The following ECM2 variants were observed in gnomAD, a reference collection of about 807,000 sequenced individuals.
The protein encoded by ECM2 is extracellular matrix protein 2, female organ and adipocyte specific.
In ECM2, 57 loss-of-function variants were observed where a neutral mutation model predicts 67.5. The observed-to-expected ratio is 0.84, with a 90% CI of 0.68 to 1.05. The LOEUF (loss-of-function observed/expected upper bound fraction) is 1.05, where lower values mean the gene tolerates loss of function less well. Among genes scored for constraint, ECM2 ranks in the 50% least tolerant of loss-of-function variants. The pLI, the probability that ECM2 is intolerant of heterozygous loss-of-function variation, is 0.00. For missense variants in ECM2, 741 were observed against 822.8 expected, an observed-to-expected ratio of 0.90 and a Z score of 1.22; for synonymous variants, 258 against 294.5, an observed-to-expected ratio of 0.88 and a Z score of 1.27.
chr9:92,516,072 TCCCC>T (rs76297691), intron 3 of ECM2, among the ~76,000 whole-genome samples: 1 of 139,694 alleles, frequency 7.2e-6, no homozygotes, highest in African/African-American at 2.6e-5. Context: ...TACTTTTTTT[TCCCC>T]CCCCCGAGAC....
the ECM2 span, among the ~76,000 whole-genome samples, chr9:92,547,776 ATATTT>A: frequency 3.9e-5 from 6 of 152,230 alleles, no homozygotes; most frequent in Non-Finnish European, 5.9e-5. Context: ...ATGGAATTGT[ATATTT>A]TAAAGTATGC....
upstream of ECM2, among the ~76,000 whole-genome samples, chr9:92,538,038 G>T (rs922943568): frequency 6.6e-6 from 1 of 151,992 alleles, no homozygotes; most frequent in Non-Finnish European, 1.5e-5. Flanking sequence ...TCTTCCTTGA[G>T]GACAGCTGAA....
chr9:92,539,690 A>G (rs1849272308), upstream of ECM2, among the ~76,000 whole-genome samples: 1 of 152,168 alleles, frequency 6.6e-6, no homozygotes, highest in Non-Finnish European at 1.5e-5. Flanking sequence ...ACTTTGTTCT[A>G]GGACTGACCT....
chr9:92,554,776 T>G, the ECM2 span, among the ~76,000 whole-genome samples: 9 of 152,272 alleles, frequency 5.9e-5, no homozygotes, highest in East Asian at 1.7e-3. Flanking sequence ...TAGCTGAGAC[T>G]ACAGGCGCCT....
intron 1 of ECM2, among the ~76,000 whole-genome samples, chr9:92,525,701 C>T (rs1848351992): frequency 6.6e-6 from 1 of 151,862 alleles, no homozygotes; most frequent in Non-Finnish European, 1.5e-5. Flanking sequence ...GACCAGCCTG[C>T]CCAACATGGT....
At chr9:92,540,836 T>C (rs1849301625), upstream of ECM2, among the ~76,000 whole-genome samples, 1 of 151,694 alleles carries the variant, frequency 6.6e-6, no homozygotes, top group Non-Finnish European at 1.5e-5. Flanking sequence ...GATCAGGAGA[T>C]AACTGTGAGC....
chr9:92,528,891 T>C (rs1337776638), intron 1 of ECM2, among the ~76,000 whole-genome samples: 1 of 152,256 alleles, frequency 6.6e-6, no homozygotes, highest in Non-Finnish European at 1.5e-5. Flanking sequence ...AAAATCAGTT[T>C]ATTGAAACCA....
intron 4 of ECM2, among the ~76,000 whole-genome samples, chr9:92,512,905 A>G (rs967105214): frequency 6.6e-6 from 1 of 152,204 alleles, no homozygotes; most frequent in African/African-American, 2.4e-5. Flanking sequence ...TATAGGCCAC[A>G]GGAGGAAGGG....
intron 3 of ECM2, among the ~76,000 whole-genome samples, chr9:92,515,408 C>T (rs1225008387): frequency 6.6e-6 from 1 of 152,100 alleles, no homozygotes; most frequent in Non-Finnish European, 1.5e-5. Flanking sequence ...ACATTTTATT[C>T]ACCTGTGGGC....
the ECM2 span, among the ~76,000 whole-genome samples, chr9:92,554,172 A>AT: frequency 6.7e-6 from 1 of 148,916 alleles, no homozygotes; most frequent in Non-Finnish European, 1.5e-5. Context: ...TTATCATGTG[A>AT]TTTTTGTTTT....
At chr9:92,519,252 T>C (rs1021888430) in intron 2 of ECM2, among the ~76,000 whole-genome samples, 2 of 152,218 alleles carry the variant, frequency 1.3e-5, no homozygotes, top group Non-Finnish European at 2.9e-5. Context: ...TTCTTCCAGG[T>C]TATCAAAAGC....
intron 1 of ECM2, among the ~76,000 whole-genome samples, chr9:92,534,222 G>T (rs1182412803): frequency 1.3e-5 from 2 of 152,036 alleles, no homozygotes; most frequent in South Asian, 4.1e-4. Context: ...CTGTATATTC[G>T]TGCATTTATT....
rs1847614550 is a variant in ECM2 at position 92,515,057 on chromosome 9, C to T, written c.628G>A (p.Ala210Thr). Residue 210 changes from alanine (A) to threonine (T), a missense_variant, in exon 4 of 10, where the codon GCA becomes ACA. By Grantham distance (58) the Ala-to-Thr change is moderately conservative. Transcript: ENST00000344604. ...VGMDRIVRKE[A>T]LQSEEDEEVK... ...TCTTCATCCTCCTCAGATTGAAGTG[C>T]TTCTTTTCTTACTATTCGGTCCATT... 6.2e-7 allele frequency: 1 copy of T among 1,614,014 alleles called. No individual in the cohort carries two copies. Among genetic ancestry groups the T allele is most frequent in the African/African-American group, 1.3e-5 (1 of 74,902 alleles).
chr9:92,541,913 C>T, the ECM2 span, among the ~76,000 whole-genome samples: 1 of 152,132 alleles, frequency 6.6e-6, no homozygotes, highest in African/African-American at 2.4e-5. Flanking sequence ...CCTGCCTCAG[C>T]TTCATGAGTA....
chr9:92,549,835 C>G, the ECM2 span, among the ~76,000 whole-genome samples: 1 of 152,136 alleles, frequency 6.6e-6, no homozygotes, highest in Non-Finnish European at 1.5e-5. Context: ...GAGCAGTTCT[C>G]TTACTCCCTG....
chr9:92,549,175 A>T, the ECM2 span, among the ~76,000 whole-genome samples: 1 of 152,182 alleles, frequency 6.6e-6, no homozygotes, highest in East Asian at 1.9e-4. Context: ...TCATAGGAAA[A>T]TGGGCTATGG....
intron 1 of ECM2, among the ~76,000 whole-genome samples, chr9:92,525,483 A>G (rs1327671982): frequency 6.6e-6 from 1 of 152,208 alleles, no homozygotes; most frequent in Non-Finnish European, 1.5e-5. Flanking sequence ...ATTATAATGG[A>G]GCTGAAAATC....
chr9:92,512,900 G>A (rs1422500487), intron 4 of ECM2, among the ~76,000 whole-genome samples: 1 of 152,122 alleles, frequency 6.6e-6, no homozygotes, highest in Non-Finnish European at 1.5e-5. Context: ...TGGTGTATAG[G>A]CCACAGGAGG....
At chr9:92,530,634 T>C (rs72754440) in intron 1 of ECM2, among the ~76,000 whole-genome samples, 6,080 of 152,320 alleles carry the variant, frequency 0.04, 186 homozygotes, top group South Asian at 0.098. Context: ...GTGGATACTT[T>C]CAGTGTCTCC....
Sources: allele counts gnomAD v4.1 joint callset (sites outside exome capture counted in the v4.1 genomes callset), GRCh38; gene constraint gnomAD v4.1.1; transcripts MANE v1.5; gene names NCBI Gene and HGNC (gene_info 2026-07-23, HGNC 2026-07-21).